CROT: variants seen among roughly 807,000 people sequenced by gnomAD.
CROT encodes the protein carnitine O-octanoyltransferase.
A neutral mutation model predicts 89.2 loss-of-function variants in CROT; 84 were observed. That is an observed-to-expected ratio of 0.94 (90% CI 0.79 to 1.13). The LOEUF (loss-of-function observed/expected upper bound fraction) is 1.13, where lower values mean the gene tolerates loss of function less well. Among genes scored for constraint, CROT ranks in the 50% most tolerant of loss-of-function variants. The probability of loss-of-function intolerance (pLI) is 0.00; values close to 1 mark genes in which losing one functional copy is unlikely to be tolerated. For synonymous variants in CROT, 212 were observed against 239.5 expected (o/e 0.89, Z 1.06); for missense variants, 711 against 727.8 (o/e 0.98, Z 0.27).
chr7:87,375,442 C>T, intron 7 of CROT, 190 bp from the exon 8 acceptor site: 1 of 509,074 alleles, frequency 2.0e-6, no homozygotes, highest in Non-Finnish European at 3.5e-6. Context: ...GTCAAATATG[C>T]TTTTGGTGTT....
intron 3 of CROT, among the ~76,000 whole-genome samples, chr7:87,349,400 A>G: frequency 6.6e-6 from 1 of 152,148 alleles, no homozygotes; most frequent in East Asian, 1.9e-4. Context: ...CTCAGAAAGC[A>G]AGCAGACTGT....
chr7:87,362,048 A>G (rs892457492), intron 6 of CROT, among the ~76,000 whole-genome samples, 196 bp downstream of exon 6: 4 of 152,348 alleles, frequency 2.6e-5, no homozygotes, highest in Admixed American at 1.3e-4. Context: ...TGTATCTTAC[A>G]TGGTTCAACA....
chr7:87,390,826 G>C (rs1265404411), intron 13 of CROT, among the ~76,000 whole-genome samples: 1 of 152,186 alleles, frequency 6.6e-6, no homozygotes, highest in African/African-American at 2.4e-5. Flanking sequence ...CCAAAACGTA[G>C]TGGCTTAAAA....
At chr7:87,394,621 G>A (rs747364910) in intron 17 of CROT, among the ~76,000 whole-genome samples, 11 of 151,056 alleles carry the variant, frequency 7.3e-5, no homozygotes, top group South Asian at 2.1e-4. Flanking sequence ...AAACTTTGCC[G>A]TTTGCAAAAT....
chr7:87,348,836 A>T (rs947789597), intron 2 of CROT, among the ~76,000 whole-genome samples: 1 of 152,194 alleles, frequency 6.6e-6, no homozygotes, highest in Non-Finnish European at 1.5e-5. Context: ...AGTCCCACTG[A>T]TCACTCTTTA....
chr7:87,363,264 G>A (rs571252241), intron 6 of CROT, among the ~76,000 whole-genome samples: 18 of 152,254 alleles, frequency 1.2e-4, no homozygotes, highest in African/African-American at 4.3e-4. Context: ...GCTTACATGT[G>A]AAGACATGTA....
chr7:87,353,270 C>A (rs1473419274), intron 3 of CROT, among the ~76,000 whole-genome samples: 3 of 152,046 alleles, frequency 2.0e-5, no homozygotes, highest in Non-Finnish European at 4.4e-5. Context: ...AACTTAGCAT[C>A]CTGAGTAGCT....
intron 6 of CROT, among the ~76,000 whole-genome samples, chr7:87,365,191 T>C (rs6950721): frequency 0.014 from 2,114 of 152,196 alleles, 47 homozygotes; most frequent in African/African-American, 0.048. Context: ...ATCTATCATG[T>C]GTAAAGTGAA....
rs768848006 is a variant in CROT at position 87,361,427 on chromosome 7, T to C, written c.278T>C (p.Val93Ala). The C allele has an allele frequency of 2.5e-5, 41 of 1,614,004 alleles. 1 individual carries two copies. The South Asian group carries it at 4.5e-4, about 18-fold the overall frequency. Reference sequence around the variant, plus strand: ...TGGCTGAATGTTGCCTATCTGGATGTTCGTATACCATCACAATTGAATGTC... The same window carrying C: ...TGGCTGAATGTTGCCTATCTGGATGCTCGTATACCATCACAATTGAATGTC... ...EWWLNVAYLDVRIPSQLNVNF... is the reference protein window; with the variant it reads ...EWWLNVAYLDARIPSQLNVNF... Residue 93 changes from valine (V) to alanine (A), a missense_variant, in exon 5 of 18, where the codon GTT (valine) becomes GCT (alanine). Coordinates refer to ENST00000331536, the MANE Select transcript of CROT (RefSeq NM_021151.4).
chr7:87,353,228 A>T (rs1805933996), intron 3 of CROT, among the ~76,000 whole-genome samples: 1 of 151,752 alleles, frequency 6.6e-6, no homozygotes, highest in Non-Finnish European at 1.5e-5. Flanking sequence ...GCTCACTGCA[A>T]CCTCTGCTCC....
intron 17 of CROT, among the ~76,000 whole-genome samples, chr7:87,397,779 C>T (rs1448950392): frequency 6.6e-6 from 1 of 152,208 alleles, no homozygotes; most frequent in Admixed American, 6.5e-5. Flanking sequence ...TAACTTAAAG[C>T]ACATGTTGAA....
At chr7:87,353,391 C>T (rs112884386) in intron 3 of CROT, among the ~76,000 whole-genome samples, 4,539 of 152,094 alleles carry the variant, frequency 0.03, 122 homozygotes, top group Non-Finnish European at 0.041. Flanking sequence ...TCAAGTGATC[C>T]GCCTGCCTCC....
chr7:87,388,262 T>TA (rs200819189), intron 13 of CROT, among the ~76,000 whole-genome samples: 3,281 of 151,064 alleles, frequency 0.022, 123 homozygotes, highest in African/African-American at 0.074. Context: ...TTCAGAAAAT[T>TA]AAAAAAAAAC....
intron 13 of CROT, among the ~76,000 whole-genome samples, chr7:87,384,319 G>A (rs1008237411): frequency 2.0e-5 from 3 of 152,108 alleles, no homozygotes; most frequent in African/African-American, 7.2e-5. Flanking sequence ...ATCACCTGAG[G>A]TCAGGAGTTT....
At position 87,369,424 on chromosome 7, in the gene CROT, G is replaced by A. The variant is rs201693830; in HGVS notation, c.596G>A (p.Arg199Gln). 30 of 1,613,008 alleles carry A rather than the reference G, an allele frequency of 1.9e-5. No homozygotes were observed. The highest frequency in any genetic ancestry group is 6.6e-5 in the South Asian group (6 of 90,998). The stretch of plus-strand genomic sequence containing the variant: ...CACATTGTAGTGCTGTGTCGAGGCC[G>A]AGCTTTTGTCTTTGATGTAATACAT... Reference protein sequence around the residue: ...PNHIVVLCRGRAFVFDVIHEG... With the variant: ...PNHIVVLCRGQAFVFDVIHEG... Residue 199 changes from arginine (R) to glutamine (Q), a missense_variant, in exon 7 of 18, where the codon CGA becomes CAA. By Grantham distance (43) the Arg-to-Gln change is conservative. Transcript: ENST00000331536.
chr7:87,385,795 TATG>T (rs1289236397), intron 13 of CROT, among the ~76,000 whole-genome samples: 2 of 152,232 alleles, frequency 1.3e-5, no homozygotes, highest in Non-Finnish European at 2.9e-5. Flanking sequence ...CCATGTTCAG[TATG>T]ATGTTAGCTC....
intron 3 of CROT, among the ~76,000 whole-genome samples, chr7:87,357,938 A>G (rs1806136235): frequency 6.6e-6 from 1 of 152,148 alleles, no homozygotes; most frequent in East Asian, 1.9e-4. Flanking sequence ...AGGTATCTGT[A>G]GGCTGTTCAC....
rs150512857 is a variant in CROT at position 87,389,263 on chromosome 7, C to G, written c.1302-2326C>G. Among the ~76,000 whole-genome samples the G allele has an allele frequency of 8.3e-3, 1,260 of 152,182 alleles. 5 individuals carry two copies. The highest frequency in any genetic ancestry group is 0.013 in the Non-Finnish European group (915 of 68,002). On this transcript the variant is annotated intron_variant, in intron 13 of 17. Transcript: ENST00000331536. ...AGAAATACCATTTGATCCAGCGATC[C>G]CATTGCTAGATATATACCCAAAGGA...
intron 13 of CROT, among the ~76,000 whole-genome samples, chr7:87,387,024 C>T (rs564565777): frequency 2.6e-5 from 4 of 151,992 alleles, no homozygotes; most frequent in South Asian, 2.1e-4. Flanking sequence ...TTTCCACATG[C>T]GGCCTGGCAG....
Sources: gnomAD v4.1 joint callset for allele counts (sites outside exome capture counted in the v4.1 genomes callset) on GRCh38, gnomAD v4.1.1 for gene constraint, MANE v1.5 for transcripts, NCBI Gene and HGNC (gene_info 2026-07-23, HGNC 2026-07-21) for gene names.